The following NWD2 variants were observed in gnomAD, a reference collection of about 807,000 sequenced individuals.
NWD2 encodes the protein NACHT and WD repeat domain containing 2, also known as NACHT and WD repeat domain-containing protein 2.
Under a neutral mutation model 132.7 loss-of-function variants are expected in NWD2, and 37 were observed. That is an observed-to-expected ratio of 0.28 (90% CI 0.21 to 0.37). The LOEUF (loss-of-function observed/expected upper bound fraction) is 0.37, where lower values mean the gene tolerates loss of function less well. Among genes scored for constraint, NWD2 ranks in the 10% least tolerant of loss-of-function variants. The pLI, the probability that NWD2 is intolerant of heterozygous loss-of-function variation, is 1.00. For missense variants in NWD2, 1,592 were observed against 2,122.4 expected (o/e 0.75, Z 4.91); for synonymous variants, 705 against 803.0 (o/e 0.88, Z 2.06).
In NWD2 at chr4:37,447,469, A is replaced by G; in HGVS notation, c.*252A>G. ...TACTTCATCTGAAAGGCAGAGGCTA[A>G]AAGTTTTTAAATTAGCTGTGTGGTG... On this transcript the variant is annotated 3_prime_UTR_variant, in exon 7 of 7. Transcript: ENST00000309447. 4.0e-6 allele frequency: 2 copies of G among 493,866 alleles called. No homozygotes were observed. Among genetic ancestry groups the G allele is most frequent in the Non-Finnish European group, 3.6e-6 (1 of 274,898 alleles). 30.6% of individuals were successfully genotyped at this position (493,866 alleles called of 1,614,324 possible).
At chr4:37,251,467 G>A (rs944719674) in intron 1 of NWD2, among the ~76,000 whole-genome samples, 1 of 152,186 alleles carries the variant, frequency 6.6e-6, no homozygotes, top group African/African-American at 2.4e-5. Context: ...AGGAGCAAAA[G>A]TCAGGGGTAC....
chr4:37,259,787 G>C (rs1717591863), intron 1 of NWD2, among the ~76,000 whole-genome samples: 1 of 152,174 alleles, frequency 6.6e-6, no homozygotes, highest in African/African-American at 2.4e-5. Flanking sequence ...TGCTCCCCAA[G>C]TTCTACCGTA....
intron 3 of NWD2, among the ~76,000 whole-genome samples, chr4:37,418,410 A>AG (rs1021496938): frequency 1.3e-5 from 2 of 152,038 alleles, no homozygotes; most frequent in Non-Finnish European, 2.9e-5. Flanking sequence ...CCTCTAAAAG[A>AG]GGGGGGCATA....
intron 1 of NWD2, among the ~76,000 whole-genome samples, chr4:37,294,272 T>G (rs1625910): frequency 0.23 from 34,285 of 152,140 alleles, 4,204 homozygotes; most frequent in African/African-American, 0.31. Flanking sequence ...ATTTTTATCT[T>G]TAATGTGCCA....
chr4:37,425,021 G>A (rs1286925033), intron 3 of NWD2, among the ~76,000 whole-genome samples: 1 of 152,184 alleles, frequency 6.6e-6, no homozygotes, highest in Non-Finnish European at 1.5e-5. Context: ...CTAAGCCTTT[G>A]AAAGCAGTGG....
intron 3 of NWD2, among the ~76,000 whole-genome samples, chr4:37,397,996 A>G (rs111540953): frequency 2.0e-5 from 3 of 152,216 alleles, no homozygotes; most frequent in Non-Finnish European, 4.4e-5. Context: ...CATGCATTGA[A>G]GCAGCACCAT....
At chr4:37,336,952 G>GAAAAAAAAAAAAAAAAAAAAAAA (rs11371327) in intron 2 of NWD2, among the ~76,000 whole-genome samples, 10 of 119,004 alleles carry the variant, frequency 8.4e-5, no homozygotes, top group Non-Finnish European at 1.0e-4. Flanking sequence ...CTCAAAAAAA[G>GAAAAAAAAAAAAAAAAAAAAAAA]AAAAAAAAAA....
At chr4:37,392,168 T>A (rs1720691483) in intron 3 of NWD2, among the ~76,000 whole-genome samples, 1 of 152,128 alleles carries the variant, frequency 6.6e-6, no homozygotes, top group Non-Finnish European at 1.5e-5. Context: ...ACCACTGCAC[T>A]CCAGCCTGGG....
chr4:37,268,377 C>T (rs1442729057), intron 1 of NWD2, among the ~76,000 whole-genome samples: 1 of 151,942 alleles, frequency 6.6e-6, no homozygotes, highest in African/African-American at 2.4e-5. Flanking sequence ...TACTGCTTGA[C>T]TATTAACCTT....
At chr4:37,325,341 G>A (rs563567698) in intron 1 of NWD2, among the ~76,000 whole-genome samples, 17 of 152,188 alleles carry the variant, frequency 1.1e-4, no homozygotes, top group African/African-American at 3.4e-4. Flanking sequence ...CCCTAAGCCC[G>A]GGGTGGGGAG....
Position 37,317,576 on chromosome 4 carries a change from T to C in NWD2, c.152-8360T>C, listed in dbSNP as rs991632224. On this transcript the variant is annotated intron_variant, in intron 1 of 6. Coordinates refer to ENST00000309447, the MANE Select transcript of NWD2 (RefSeq NM_001144990.2). Reference sequence around the variant, plus strand: ...GTGTGAAGTCTCAGTTAAGTAGGGATAGGAGAAGGCAAGAATCCCCACAGA... The same window carrying C: ...GTGTGAAGTCTCAGTTAAGTAGGGACAGGAGAAGGCAAGAATCCCCACAGA... Among the ~76,000 whole-genome samples the C allele has an allele frequency of 1.2e-4, 18 of 152,178 alleles. 1 individual carries two copies. The highest frequency in any genetic ancestry group is 5.2e-4 in the Admixed American group (8 of 15,272).
At chr4:37,352,672 G>A (rs1438269212) in intron 2 of NWD2, among the ~76,000 whole-genome samples, 1 of 152,022 alleles carries the variant, frequency 6.6e-6, no homozygotes, top group Non-Finnish European at 1.5e-5. Flanking sequence ...TCAGAGACTA[G>A]GATTGGTTTT....
chr4:37,398,425 G>A (rs1030853739), intron 3 of NWD2, among the ~76,000 whole-genome samples: 1 of 152,200 alleles, frequency 6.6e-6, no homozygotes, highest in Non-Finnish European at 1.5e-5. Context: ...ACAGGGAGGG[G>A]AACGTCACAC....
intron 1 of NWD2, among the ~76,000 whole-genome samples, chr4:37,317,276 C>A (rs1560393158): frequency 6.6e-6 from 1 of 152,168 alleles, no homozygotes; most frequent in East Asian, 1.9e-4. Context: ...AGCTTTCAAT[C>A]TTTCTTAAGT....
chr4:37,407,321 C>A (rs1168789268), intron 3 of NWD2, among the ~76,000 whole-genome samples: 1 of 152,134 alleles, frequency 6.6e-6, no homozygotes, highest in Non-Finnish European at 1.5e-5. Context: ...GGAGGAGTGG[C>A]ACCCAGCTAA....
intron 1 of NWD2, among the ~76,000 whole-genome samples, chr4:37,267,420 C>T (rs771484294): frequency 1.3e-5 from 2 of 151,934 alleles, no homozygotes; most frequent in African/African-American, 4.8e-5. Flanking sequence ...AGGGCCAGCC[C>T]TGATCATAGC....
chr4:37,415,421 G>A (rs1190133075), intron 3 of NWD2, among the ~76,000 whole-genome samples: 2 of 152,248 alleles, frequency 1.3e-5, no homozygotes, highest in Admixed American at 1.3e-4. Context: ...ATAGGCAAAA[G>A]AGGCCAGGCA....
At chr4:37,303,414 C>A (rs972509769) in intron 1 of NWD2, among the ~76,000 whole-genome samples, 1 of 151,996 alleles carries the variant, frequency 6.6e-6, no homozygotes, top group Non-Finnish European at 1.5e-5. Context: ...TCTTTTTGTT[C>A]AGGGTTGCTT....
At chr4:37,393,932 T>G (rs1720728616) in intron 3 of NWD2, among the ~76,000 whole-genome samples, 1 of 152,180 alleles carries the variant, frequency 6.6e-6, no homozygotes, top group Non-Finnish European at 1.5e-5. Context: ...AAAAGAACGG[T>G]TCCCCAATGG....
Sources: gnomAD v4.1 joint callset for allele counts (sites outside exome capture counted in the v4.1 genomes callset) on GRCh38, gnomAD v4.1.1 for gene constraint, MANE v1.5 for transcripts, NCBI Gene and HGNC (gene_info 2026-07-23, HGNC 2026-07-21) for gene names.